Variants in SFSWAP observed in about 807,000 individuals in gnomAD.
SFSWAP encodes splicing factor SWAP.
SFSWAP carries 17 observed loss-of-function variants against 100.7 expected under a neutral mutation model. The ratio of observed to expected loss-of-function variants is 0.17; its 90% confidence interval spans 0.12 to 0.25. The LOEUF (loss-of-function observed/expected upper bound fraction) is 0.25, where lower values mean the gene tolerates loss of function less well. SFSWAP is among the 10% of genes least tolerant of loss of function. The pLI, the probability that SFSWAP is intolerant of heterozygous loss-of-function variation, is 1.00. For synonymous variants in SFSWAP, 504 were observed against 510.1 expected (o/e 0.99, Z 0.16); for missense variants, 1,005 against 1,262.6 (o/e 0.80, Z 3.09).
Position 131,733,072 on chromosome 12 carries a change from T to C in SFSWAP, c.1081+4644T>C, listed in dbSNP as rs1409535928. ...GCATGAAGAGAATCATGCCCCACAATGAAACCAGAGCCCTGTGGCCCGCGT... is the reference window on the plus strand; with the variant it reads ...GCATGAAGAGAATCATGCCCCACAACGAAACCAGAGCCCTGTGGCCCGCGT... On this transcript the variant is annotated intron_variant, in intron 7 of 17. Transcript: ENST00000261674. The surrounding 1 kb of genome is among the most constrained non-coding windows in gnomAD (Gnocchi z 5.1). Among the ~76,000 whole-genome samples the C allele has an allele frequency of 1.3e-5, 2 of 152,160 alleles. No homozygotes were observed. The highest frequency in any genetic ancestry group is 2.9e-5 in the Non-Finnish European group (2 of 68,030).
chr12:131,792,588 TAAC>T (rs1483082985), intron 15 of SFSWAP, among the ~76,000 whole-genome samples: 1 of 152,078 alleles, frequency 6.6e-6, no homozygotes, highest in African/African-American at 2.4e-5. Context: ...GCATGCGTGT[TAAC>T]AGACCAGTGC....
At chr12:131,744,016 G>A (rs1301009572) in intron 7 of SFSWAP, among the ~76,000 whole-genome samples, 2 of 152,196 alleles carry the variant, frequency 1.3e-5, no homozygotes, top group African/African-American at 2.4e-5. Flanking sequence ...TGGGACACAG[G>A]GTACCAAGTC....
rs766903191 is a variant in SFSWAP, at chr12:131,711,473, T to TCCTTC, written c.218+35_218+39dup. 6 of 1,567,378 alleles carry TCCTTC rather than the reference T, an allele frequency of 3.8e-6. No individual in the cohort carries two copies. The East Asian group carries it at 1.3e-4, about 35-fold the overall frequency. ...GTCGGTTCCTCTCCCCACCCGTCGA[T>TCCTTC]CCTTCCCTTCCCTCACCCGCTTGAT... On this transcript the variant is annotated intron_variant, in intron 1 of 17. Coordinates refer to ENST00000261674, the MANE Select transcript of SFSWAP (RefSeq NM_004592.4). The surrounding 1 kb of genome is among the most constrained non-coding windows in gnomAD (Gnocchi z 4.9).
At chr12:131,727,223 T>G (rs568437342) in intron 6 of SFSWAP, among the ~76,000 whole-genome samples, 171 bp downstream of exon 6, 1 of 152,396 alleles carries the variant, frequency 6.6e-6, no homozygotes, top group Admixed American at 6.5e-5. Flanking sequence ...AGCATCTGCT[T>G]CTTTGGTTTC....
chr12:131,754,625 GTC>G (rs1287102089), intron 9 of SFSWAP, 126 bp downstream of exon 9: 24 of 133,262 alleles, frequency 1.8e-4, no homozygotes, highest in South Asian at 3.4e-4. Context: ...TGGCTCAAAT[GTC>G]TTTTTTTTTT....
chr12:131,774,898 T>G (rs1215550339), intron 13 of SFSWAP, among the ~76,000 whole-genome samples: 2 of 152,106 alleles, frequency 1.3e-5, no homozygotes, highest in Non-Finnish European at 2.9e-5. Flanking sequence ...GTATTATTAA[T>G]GACAGGCATT....
At chr12:131,713,856 G>C in intron 1 of SFSWAP, 1 of 359,944 alleles carries the variant, frequency 2.8e-6, no homozygotes. Flanking sequence ...GGAATTTAGA[G>C]TTTGTTAAGA....
intron 7 of SFSWAP, among the ~76,000 whole-genome samples, chr12:131,746,154 T>C (rs1336251799): frequency 6.6e-6 from 1 of 152,204 alleles, no homozygotes; most frequent in African/African-American, 2.4e-5. Flanking sequence ...CAGGTGAGTA[T>C]TGGGAACATG....
At position 131,783,569 on chromosome 12, in the gene SFSWAP, A is replaced by G. The variant is rs2136266585; in HGVS notation, c.2409-2894A>G. ...CACTTTGGGAGGCTGAGGCAGACGG[A>G]TCATGAGGTTGAGACCATCCTGGCT... On this transcript the variant is annotated intron_variant, in intron 14 of 17. Coordinates refer to ENST00000261674, the MANE Select transcript of SFSWAP (RefSeq NM_004592.4). The G allele has an allele frequency of 2.0e-5, 3 of 151,706 alleles. No homozygotes were observed. The South Asian group carries it at 6.3e-4, about 32-fold the overall frequency. The allele number at this position is 151,706 out of a possible 1,614,324, so 9.4% of individuals were successfully genotyped here.
chr12:131,721,884 C>CT (rs1384320145), intron 4 of SFSWAP, among the ~76,000 whole-genome samples: 52 of 152,292 alleles, frequency 3.4e-4, no homozygotes, highest in African/African-American at 1.2e-3. Context: ...GATTGAGTCT[C>CT]TCATTTGCGT....
chr12:131,764,337 T>C (rs1028172640), intron 11 of SFSWAP, 119 bp from the exon 12 acceptor site: 1 of 749,438 alleles, frequency 1.3e-6, no homozygotes. Flanking sequence ...AGACCCTGCA[T>C]ATGATGTGGC....
At position 131,711,602 on chromosome 12, in the gene SFSWAP, C is replaced by T. The variant is rs1396647976; in HGVS notation, c.218+155C>T. On this transcript the variant is annotated intron_variant, in intron 1 of 17. Coordinates refer to ENST00000261674, the MANE Select transcript of SFSWAP (RefSeq NM_004592.4). This position sits in a 1 kb window ranked among gnomAD's most constrained non-coding sequence, Gnocchi z 4.9. ...CCTGTCCCCACCTCCTCCTGGTGTT[C>T]TGGTGGGGAGGGGGACGGTGAAACC... 4.6e-6 allele frequency: 3 copies of T among 646,408 alleles called. No individual in the cohort carries two copies. The highest frequency in any genetic ancestry group is 8.0e-6 in the Non-Finnish European group (3 of 374,550). 40.0% of individuals were successfully genotyped at this position (646,408 alleles called of 1,614,324 possible).
Position 131,778,198 on chromosome 12 carries a change from A to G in SFSWAP, c.2276A>G (p.Lys759Arg). The G allele has an allele frequency of 1.2e-6, 2 of 1,614,132 alleles. No homozygotes were observed. The highest frequency in any genetic ancestry group is 8.5e-7 in the Non-Finnish European group (1 of 1,180,002). Reference sequence around the variant, plus strand: ...GAAGAAGAGAAAGAAAAGAAAAAGAAAAAGCACAAAAAAAGATCTCGAACA... The same window carrying G: ...GAAGAAGAGAAAGAAAAGAAAAAGAGAAAGCACAAAAAAAGATCTCGAACA... ...PREEEKEKKK[K>R]KHKKRSRTRS... is the part of the protein sequence containing the mutation. The change falls in exon 14 of 18, where the codon AAA becomes AGA. Residue 759 changes from lysine to arginine, a missense_variant. Around this residue, in one of 7 missense-constraint regions of SFSWAP, gnomAD observed 295 missense variants for 347.9 expected, o/e 0.85. Transcript: ENST00000261674. The surrounding 1 kb of genome is among the most constrained non-coding windows in gnomAD (Gnocchi z 4.2).
intron 7 of SFSWAP, among the ~76,000 whole-genome samples, chr12:131,737,359 G>T (rs1252768738): frequency 1.3e-5 from 2 of 152,198 alleles, no homozygotes; most frequent in African/African-American, 4.8e-5. Flanking sequence ...GGACGAGGTC[G>T]CAGACAGGAG....
intron 13 of SFSWAP, among the ~76,000 whole-genome samples, chr12:131,771,063 C>T (rs1287649639): frequency 1.3e-5 from 2 of 152,200 alleles, no homozygotes; most frequent in Non-Finnish European, 2.9e-5. Flanking sequence ...GCATCTACCC[C>T]GTTTGTTTCC....
intron 13 of SFSWAP, among the ~76,000 whole-genome samples, chr12:131,769,126 C>CAAA (rs11406090): frequency 1.4e-5 from 2 of 146,908 alleles, no homozygotes; most frequent in Non-Finnish European, 1.5e-5. Context: ...GACTCCTTCT[C>CAAA]AAAAAAAAAA....
chr12:131,799,559 C>A lies in SFSWAP; in HGVS notation c.*71C>A. The A allele has an allele frequency of 7.7e-7, 1 of 1,292,370 alleles. No individual in the cohort carries two copies. The highest frequency in any genetic ancestry group is 1.1e-6 in the Non-Finnish European group (1 of 912,964). The allele number at this position is 1,292,370 out of a possible 1,614,324, so 80.1% of individuals were successfully genotyped here. The stretch of plus-strand genomic sequence containing the variant: ...GGCAGGCTCACGCAGACGCCGGCCA[C>A]ACCATCCACCTGGCCGCCTCCATGG... On this transcript the variant is annotated 3_prime_UTR_variant, in exon 18 of 18. Coordinates refer to ENST00000261674, the MANE Select transcript of SFSWAP (RefSeq NM_004592.4).
intron 12 of SFSWAP, among the ~76,000 whole-genome samples, chr12:131,765,712 G>C (rs550415226): frequency 6.6e-6 from 1 of 151,946 alleles, no homozygotes; most frequent in East Asian, 1.9e-4. Context: ...CCATTGTGCT[G>C]TGGTGTTCTC....
rs1484520017 is a variant in SFSWAP, at chr12:131,711,691, C to T, written c.218+244C>T. 3.9e-6 allele frequency: 2 copies of T among 508,570 alleles called. No homozygotes were observed. The highest frequency in any genetic ancestry group is 7.1e-6 in the Non-Finnish European group (2 of 282,378). 31.5% of individuals were successfully genotyped at this position (508,570 alleles called of 1,614,324 possible). On this transcript the variant is annotated intron_variant, in intron 1 of 17. Transcript: ENST00000261674. The surrounding 1 kb of genome is among the most constrained non-coding windows in gnomAD (Gnocchi z 4.9). The stretch of plus-strand genomic sequence containing the variant: ...TCTCCGGAGGGATCGTCTCTGGTCC[C>T]GCAGCCCCTCTCGACCCCTCACCCT...
Sources: allele counts gnomAD v4.1 joint callset (sites outside exome capture counted in the v4.1 genomes callset), GRCh38; gene constraint gnomAD v4.1.1; regional missense constraint gnomAD v4.1.1; non-coding constraint Gnocchi (gnomAD v3.1); transcripts MANE v1.5; gene names NCBI Gene and HGNC (gene_info 2026-07-23, HGNC 2026-07-21).